The following CNOT1 variants were observed in gnomAD, a reference collection of about 807,000 sequenced individuals.
CNOT1 encodes the protein CCR4-NOT transcription complex subunit 1, also known as CCR4-associated factor 1.
Under a neutral mutation model 273.8 loss-of-function variants are expected in CNOT1, and 15 were observed. That is an observed-to-expected ratio of 0.05 (90% CI 0.04 to 0.08). The LOEUF is 0.08. Among genes scored for constraint, CNOT1 ranks in the 10% least tolerant of loss-of-function variants. CNOT1 has a pLI of 1.00. For synonymous variants in CNOT1, 1,022 were observed against 1,005.5 expected, an observed-to-expected ratio of 1.02 and a Z score of -0.31; for missense variants, 1,644 against 2,912.2, an observed-to-expected ratio of 0.56 and a Z score of 10.02.
At chr16:58,537,354 A>C (rs2039957887) in intron 38 of CNOT1, 134 bp from the exon 39 acceptor site, 1 of 1,298,988 alleles carries the variant, frequency 7.7e-7, no homozygotes, top group Non-Finnish European at 1.0e-6. Context: ...TTCCACACTG[A>C]AACAAAACTA....
chr16:58,534,453 T>A (rs1288522973), intron 39 of CNOT1, 58 bp from the exon 40 acceptor site: 24 of 1,567,648 alleles, frequency 1.5e-5, no homozygotes, highest in Non-Finnish European at 1.9e-5. Flanking sequence ...ATAAACTTCA[T>A]ATACCTTTAA....
intron 1 of CNOT1, among the ~76,000 whole-genome samples, chr16:58,603,180 T>C (rs570484745): frequency 7.2e-5 from 11 of 152,314 alleles, no homozygotes; most frequent in Admixed American, 7.2e-4. Context: ...CTGCTACACT[T>C]GCTTCCTATG....
intron 1 of CNOT1, among the ~76,000 whole-genome samples, chr16:58,599,796 C>T (rs1425979103): frequency 2.6e-5 from 4 of 152,042 alleles, no homozygotes; most frequent in African/African-American, 4.8e-5. Flanking sequence ...CTGGGTGTGA[C>T]GGCTCACACC....
chr16:58,546,168 T>C (rs1176896531), intron 29 of CNOT1, among the ~76,000 whole-genome samples, 153 bp downstream of exon 29: 3 of 152,134 alleles, frequency 2.0e-5, no homozygotes, highest in Non-Finnish European at 4.4e-5. Context: ...AGTCATTACT[T>C]CTGCTTGATA....
At chr16:58,588,752 T>C in intron 3 of CNOT1, 47 bp downstream of exon 3, 1 of 1,592,018 alleles carries the variant, frequency 6.3e-7, no homozygotes. Flanking sequence ...CAAAATTCAT[T>C]TAACAATTAC....
intron 47 of CNOT1, among the ~76,000 whole-genome samples, chr16:58,522,046 A>G (rs1486528880): frequency 6.6e-6 from 1 of 151,842 alleles, no homozygotes; most frequent in Non-Finnish European, 1.5e-5. Context: ...CAGGCTGGGC[A>G]CAGTGACTCA....
chr16:58,559,312 G>T (rs974860618), intron 17 of CNOT1, among the ~76,000 whole-genome samples: 8 of 152,044 alleles, frequency 5.3e-5, no homozygotes, highest in Admixed American at 5.2e-4. Context: ...AAGATGAACT[G>T]CCCTAAACTA....
At chr16:58,624,557 T>C (rs989054517) in intron 1 of CNOT1, 1 of 152,272 alleles carries the variant, frequency 6.6e-6, no homozygotes, top group South Asian at 2.1e-4. Context: ...TCCCAGCACT[T>C]TGGGAGGCTG....
At chr16:58,584,888 T>C (rs1373221406) in intron 8 of CNOT1, among the ~76,000 whole-genome samples, 2 of 152,150 alleles carry the variant, frequency 1.3e-5, no homozygotes, top group African/African-American at 4.8e-5. Context: ...ACAATATCCT[T>C]TGGTGCCCTA....
chr16:58,562,778 G>A (rs1217194017), intron 16 of CNOT1, among the ~76,000 whole-genome samples: 3 of 152,028 alleles, frequency 2.0e-5, no homozygotes, highest in Non-Finnish European at 4.4e-5. Context: ...ACCTGAGATC[G>A]CGCCACTGCA....
rs1410075697 is a variant in CNOT1 at position 58,551,709 on chromosome 16, T to C, written c.3081A>G (p.Pro1027=). ...LAQAQAQAQV[P]AKAPLAGQVS... ...CTTGACCAGCAAGAGGAGCTTTTGC[T>C]GGAACCTGGGCCTGAGCCTGGGCCT... The change falls in exon 23 of 49, where the codon CCA becomes CCG. Residue 1027 remains proline (P), a synonymous_variant. Coordinates refer to ENST00000317147, the MANE Select transcript of CNOT1 (RefSeq NM_016284.5). 2 of 1,614,080 alleles carry C rather than the reference T, an allele frequency of 1.2e-6. No individual in the cohort carries two copies. The highest frequency in any genetic ancestry group is 4.5e-5 in the East Asian group (2 of 44,896).
chr16:58,524,549 C>CA (rs983731833), intron 46 of CNOT1, among the ~76,000 whole-genome samples: 6 of 152,000 alleles, frequency 3.9e-5, no homozygotes, highest in African/African-American at 1.5e-4. Flanking sequence ...AGGCATGCAG[C>CA]ATATATGCAA....
chr16:58,525,468 A>G lies in CNOT1; in HGVS notation c.6604-109T>C. 3.5e-6 allele frequency: 3 copies of G among 865,954 alleles called. No individual in the cohort carries two copies. The South Asian group carries it at 5.2e-5, about 15-fold the overall frequency. The allele number at this position is 865,954 out of a possible 1,614,324, so 53.6% of individuals were successfully genotyped here. A position where few individuals can be genotyped will look rare whatever the true frequency, so the allele number is the denominator to read the frequency against. On this transcript the variant is annotated intron_variant, in intron 45 of 48. Transcript: ENST00000317147. ...ACCTTCATGGAAAGGCCAAACATTT[A>G]TTGTGATTCACTTGCTTGAATTTGT...
chr16:58,582,574 C>T (rs576914472), intron 10 of CNOT1, among the ~76,000 whole-genome samples: 57 of 152,218 alleles, frequency 3.7e-4, no homozygotes, highest in Non-Finnish European at 3.8e-4. Flanking sequence ...TCTTATCCAC[C>T]ATAAACAAGA....
rs187178965 is a variant in CNOT1, at chr16:58,600,391, A to C, written c.-174-880T>G. On this transcript the variant is annotated intron_variant, in intron 1 of 48. Coordinates refer to ENST00000317147, the MANE Select transcript of CNOT1 (RefSeq NM_016284.5). Reference sequence around the variant, plus strand: ...TTAGTAAGACAACTTGTAACACTTAAGATTTCTATTTTACCTATTTCAAAA... The same window carrying C: ...TTAGTAAGACAACTTGTAACACTTACGATTTCTATTTTACCTATTTCAAAA... Among the ~76,000 whole-genome samples the C allele has an allele frequency of 4.5e-3, 682 of 152,326 alleles. 2 individuals are homozygous for C. The highest frequency in any genetic ancestry group is 7.5e-3 in the Non-Finnish European group (510 of 68,040).
At chr16:58,599,197 T>C (rs1216315073) in intron 2 of CNOT1, 39 bp downstream of exon 2, 4 of 1,613,742 alleles carry the variant, frequency 2.5e-6, no homozygotes, top group South Asian at 1.1e-5. Context: ...TGTCTACTCA[T>C]TCCTTTAATG....
intron 1 of CNOT1, among the ~76,000 whole-genome samples, chr16:58,629,263 T>TC (rs952451091): frequency 6.0e-5 from 9 of 151,192 alleles, no homozygotes; most frequent in Non-Finnish European, 8.8e-5. Flanking sequence ...CCAAACACGG[T>TC]CCCCCCCGCC....
At chr16:58,609,730 T>C (rs2042823374) in intron 1 of CNOT1, among the ~76,000 whole-genome samples, 1 of 152,072 alleles carries the variant, frequency 6.6e-6, no homozygotes, top group Non-Finnish European at 1.5e-5. Flanking sequence ...CCCAAGGTGT[T>C]GGGATTATAG....
At chr16:58,614,908 T>C (rs144965673) in intron 1 of CNOT1, among the ~76,000 whole-genome samples, 2 of 122,414 alleles carry the variant, frequency 1.6e-5, no homozygotes, top group East Asian at 2.0e-4. Flanking sequence ...GGTTTCACCA[T>C]GTTGGCCAGG....
Sources: allele counts gnomAD v4.1 joint callset (sites outside exome capture counted in the v4.1 genomes callset), GRCh38; gene constraint gnomAD v4.1.1; transcripts MANE v1.5; gene names NCBI Gene and HGNC (gene_info 2026-07-23, HGNC 2026-07-21).